The following GRID2 variants were observed in gnomAD, a reference collection of about 807,000 sequenced individuals.
GRID2 encodes the protein glutamate receptor ionotropic, delta-2.
GRID2 carries 33 observed loss-of-function variants against 114.8 expected under a neutral mutation model. That is an observed-to-expected ratio of 0.29 (90% CI 0.22 to 0.38). The LOEUF (loss-of-function observed/expected upper bound fraction) is 0.38. Among genes scored for constraint, GRID2 ranks in the 10% least tolerant of loss-of-function variants. The probability of loss-of-function intolerance (pLI) is 1.00; values close to 1 mark genes in which losing one functional copy is unlikely to be tolerated. For synonymous variants in GRID2, 505 were observed against 449.9 expected (o/e 1.12, Z -1.55); for missense variants, 1,184 against 1,257.7 (o/e 0.94, Z 0.89).
chr4:92,557,740 C>A (rs1223133022), intron 1 of GRID2, among the ~76,000 whole-genome samples: 1 of 151,044 alleles, frequency 6.6e-6, no homozygotes, highest in Non-Finnish European at 1.5e-5. Context: ...ATAGAAGGGC[C>A]TTGGACATCC....
intron 8 of GRID2, 132 bp downstream of exon 8, chr4:93,238,622 G>T: frequency 1.8e-6 from 1 of 568,436 alleles, no homozygotes; most frequent in East Asian, 3.6e-5. Flanking sequence ...GGGGGTGAGG[G>T]GAAATTAGGC....
chr4:92,851,238 T>A (rs991515048), intron 2 of GRID2, among the ~76,000 whole-genome samples: 3 of 151,986 alleles, frequency 2.0e-5, no homozygotes, highest in Non-Finnish European at 4.4e-5. Context: ...AATTTAGCAA[T>A]TCAAAAGTGC....
intron 8 of GRID2, among the ~76,000 whole-genome samples, chr4:93,374,021 A>G (rs1382329965): frequency 6.6e-6 from 1 of 152,142 alleles, no homozygotes; most frequent in Non-Finnish European, 1.5e-5. Context: ...TTCCATGCCA[A>G]TTCTTGGTTT....
At chr4:92,465,290 T>A (rs1028883166) in intron 1 of GRID2, among the ~76,000 whole-genome samples, 6 of 146,010 alleles carry the variant, frequency 4.1e-5, no homozygotes, top group African/African-American at 1.3e-4. Flanking sequence ...AAAAAAAAAA[T>A]TCAGGCAGAG....
intron 13 of GRID2, among the ~76,000 whole-genome samples, chr4:93,588,293 T>C (rs1472369609): frequency 6.6e-6 from 1 of 152,082 alleles, no homozygotes; most frequent in Admixed American, 6.6e-5. Flanking sequence ...TATAAAACAA[T>C]CAAAATTTTT....
intron 14 of GRID2, among the ~76,000 whole-genome samples, chr4:93,753,538 C>A (rs1251578031): frequency 6.6e-6 from 1 of 152,150 alleles, no homozygotes; most frequent in Non-Finnish European, 1.5e-5. Context: ...GTTCCCCACC[C>A]TGTGTCCAAG....
chr4:93,699,026 A>G (rs1031956413), intron 14 of GRID2, among the ~76,000 whole-genome samples: 6 of 152,080 alleles, frequency 3.9e-5, no homozygotes, highest in African/African-American at 1.4e-4. Flanking sequence ...TAAAGTGCTA[A>G]GTAGGGTGCC....
chr4:92,829,372 C>A (rs1741945031), intron 2 of GRID2, among the ~76,000 whole-genome samples: 1 of 152,062 alleles, frequency 6.6e-6, no homozygotes. Context: ...AAATGCAAAT[C>A]AAAACCACAA....
rs548068718 is a variant in GRID2, at chr4:92,915,053, C to T, written c.245-169942C>T. Reference sequence around the variant, plus strand: ...TCCCCATGAAACTTACAATCATGGCCGAAGTTGAAGGGGAAGCAAGGCACC... The same window carrying T: ...TCCCCATGAAACTTACAATCATGGCTGAAGTTGAAGGGGAAGCAAGGCACC... On this transcript the variant is annotated intron_variant, in intron 2 of 15. Transcript: ENST00000282020. Among the ~76,000 whole-genome samples, 10 of 152,088 alleles carry T rather than the reference C, an allele frequency of 6.6e-5. No individual in the cohort carries two copies. The South Asian group carries it at 1.5e-3, about 22-fold the overall frequency.
chr4:92,625,192 A>G (rs1730460524), intron 2 of GRID2, among the ~76,000 whole-genome samples: 4 of 151,750 alleles, frequency 2.6e-5, no homozygotes, highest in South Asian at 2.1e-4. Context: ...ATGCTTGACT[A>G]TATTAATTTT....
intron 14 of GRID2, among the ~76,000 whole-genome samples, chr4:93,703,793 C>G (rs993459634): frequency 2.0e-5 from 3 of 151,898 alleles, no homozygotes; most frequent in Admixed American, 2.0e-4. Context: ...ATGGTTTCCA[C>G]CTTCATCCAT....
chr4:92,443,630 G>C (rs999256993), intron 1 of GRID2, among the ~76,000 whole-genome samples: 1 of 152,104 alleles, frequency 6.6e-6, no homozygotes, highest in African/African-American at 2.4e-5. Flanking sequence ...AGAAAAGCGG[G>C]ACTTGCCGCT....
chr4:92,563,427 T>G (rs1438561456), intron 1 of GRID2, among the ~76,000 whole-genome samples: 1 of 152,086 alleles, frequency 6.6e-6, no homozygotes, highest in African/African-American at 2.4e-5. Context: ...GATTTTATGC[T>G]TATAGTGGTT....
intron 2 of GRID2, among the ~76,000 whole-genome samples, chr4:93,027,265 G>A (rs1723965712): frequency 6.6e-6 from 1 of 152,010 alleles, no homozygotes; most frequent in Non-Finnish European, 1.5e-5. Context: ...TATGCCTGGT[G>A]TGATGGTTTG....
chr4:93,152,109 CA>C (rs1736792224), intron 4 of GRID2, among the ~76,000 whole-genome samples: 1 of 152,002 alleles, frequency 6.6e-6, no homozygotes, highest in African/African-American at 2.4e-5. Flanking sequence ...TTCAGAAAAG[CA>C]ATCAAATTTT....
At chr4:93,522,495 T>C (rs1024647090) in intron 13 of GRID2, among the ~76,000 whole-genome samples, 2 of 152,100 alleles carry the variant, frequency 1.3e-5, no homozygotes, top group African/African-American at 2.4e-5. Flanking sequence ...AGAGTATATT[T>C]CACCAGAATT....
chr4:93,179,051 G>A (rs898267388), intron 4 of GRID2, among the ~76,000 whole-genome samples: 4 of 152,130 alleles, frequency 2.6e-5, no homozygotes, highest in African/African-American at 9.7e-5. Context: ...GTAAAACAGA[G>A]CAGGGAGATG....
chr4:93,491,517 A>G (rs1485923118), intron 12 of GRID2, among the ~76,000 whole-genome samples: 1 of 151,882 alleles, frequency 6.6e-6, no homozygotes, highest in Non-Finnish European at 1.5e-5. Context: ...TAAGATCAAC[A>G]CCACAGTATA....
chr4:93,467,662 C>G (rs1724422436), intron 11 of GRID2, among the ~76,000 whole-genome samples: 1 of 152,186 alleles, frequency 6.6e-6, no homozygotes, highest in Non-Finnish European at 1.5e-5. Context: ...CTTTAGTCCT[C>G]TGCCTTACAT....
Sources: allele counts gnomAD v4.1 joint callset (sites outside exome capture counted in the v4.1 genomes callset), GRCh38; gene constraint gnomAD v4.1.1; transcripts MANE v1.5; gene names NCBI Gene and HGNC (gene_info 2026-07-23, HGNC 2026-07-21).